Variants in CCDC144A observed in about 807,000 individuals in gnomAD.
The protein encoded by CCDC144A is coiled-coil domain-containing protein 144A.
CCDC144A carries 41 observed loss-of-function variants against 143.8 expected under a neutral mutation model. The ratio of observed to expected loss-of-function variants is 0.29; its 90% CI spans 0.22 to 0.37. CCDC144A has a LOEUF of 0.37. Among genes scored for constraint, CCDC144A ranks in the 10% least tolerant of loss-of-function variants. The pLI is 1.00. For synonymous variants in CCDC144A, 242 were observed against 517.9 expected (o/e 0.47, Z 7.23); for missense variants, 637 against 1,488.8 (o/e 0.43, Z 9.41).
At chr17:16,700,851 G>A (rs1316107206) in intron 2 of CCDC144A, among the ~76,000 whole-genome samples, 2 of 151,768 alleles carry the variant, frequency 1.3e-5, no homozygotes, top group East Asian at 3.9e-4. Context: ...GTAAAATTGT[G>A]GGATAAAGTA....
chr17:16,672,683 A>G, the CCDC144A span, among the ~76,000 whole-genome samples: 60 of 152,292 alleles, frequency 3.9e-4, no homozygotes, highest in South Asian at 1.2e-3. Context: ...TACAACAGAA[A>G]TTATGAGATG....
chr17:16,703,543 G>A (rs1247519070), intron 2 of CCDC144A, among the ~76,000 whole-genome samples: 41 of 152,046 alleles, frequency 2.7e-4, no homozygotes, highest in Admixed American at 2.7e-3. Context: ...GGTGGCTAAC[G>A]CCTGTAATGC....
intron 12 of CCDC144A, among the ~76,000 whole-genome samples, chr17:16,742,287 C>A (rs1423795542): frequency 6.6e-6 from 1 of 152,116 alleles, no homozygotes; most frequent in African/African-American, 2.4e-5. Context: ...AATTTTAGCT[C>A]CCACATGAGT....
chr17:16,735,098 A>C lies in CCDC144A; in HGVS notation c.2827A>C (p.Thr943Pro). 1 of 1,565,578 alleles carries C rather than the reference A, an allele frequency of 6.4e-7. No individual in the cohort carries two copies. The highest frequency in any genetic ancestry group is 8.7e-7 in the Non-Finnish European group (1 of 1,155,232). The change falls in exon 12 of 17, where the codon ACA becomes CCA. Residue 943 changes from threonine (T) to proline (P), a missense_variant. Coordinates refer to ENST00000399273, the MANE Select transcript of CCDC144A (RefSeq NM_001382000.1). ...AGACCTAAAACTTGATTTCCAGAGA[A>C]CAAGACAAGAGTGGGTTCGTTTACA... ...ARDLKLDFQR[T>P]RQEWVRLHDK...
chr17:16,752,191 A>G (rs1246858514), intron 12 of CCDC144A, among the ~76,000 whole-genome samples: 3 of 152,190 alleles, frequency 2.0e-5, no homozygotes, highest in African/African-American at 7.2e-5. Flanking sequence ...CAGTAGCGGC[A>G]TTAGATTCTC....
chr17:16,770,254 A>G (rs1915774964), intron 15 of CCDC144A, among the ~76,000 whole-genome samples: 1 of 151,928 alleles, frequency 6.6e-6, no homozygotes, highest in Non-Finnish European at 1.5e-5. Context: ...GGTTCACACC[A>G]TTCTCCTGCC....
intron 8 of CCDC144A, among the ~76,000 whole-genome samples, chr17:16,726,348 T>C (rs986223703): frequency 7.3e-6 from 1 of 137,390 alleles, no homozygotes. Flanking sequence ...GCCACTGCAC[T>C]CCAGCCTGGG....
chr17:16,673,274 C>A, the CCDC144A span, among the ~76,000 whole-genome samples: 1 of 151,864 alleles, frequency 6.6e-6, no homozygotes, highest in African/African-American at 2.4e-5. Flanking sequence ...GAATTTTATT[C>A]CTCATACTGT....
chr17:16,757,494 C>A (rs1915148817), intron 12 of CCDC144A, among the ~76,000 whole-genome samples: 1 of 152,226 alleles, frequency 6.6e-6, no homozygotes. Flanking sequence ...GCACAGAGGC[C>A]TGGGTGGGGT....
chr17:16,733,707 C>T (rs1913860653), intron 11 of CCDC144A, among the ~76,000 whole-genome samples: 1 of 151,362 alleles, frequency 6.6e-6, no homozygotes, highest in Admixed American at 6.6e-5. Flanking sequence ...ATATACACAA[C>T]ACAGAAGTAA....
intron 2 of CCDC144A, among the ~76,000 whole-genome samples, chr17:16,699,495 C>G (rs1911604292): frequency 3.4e-5 from 2 of 58,144 alleles, no homozygotes; most frequent in Non-Finnish European, 6.4e-5. Flanking sequence ...CCTGCCTCAG[C>G]CTCCTGAGTA....
the CCDC144A span, among the ~76,000 whole-genome samples, chr17:16,678,976 A>G: frequency 2.0e-5 from 3 of 150,782 alleles, no homozygotes; most frequent in Admixed American, 2.0e-4. Context: ...CTGGTCTCAA[A>G]CTCCCAACGT....
upstream of CCDC144A, among the ~76,000 whole-genome samples, chr17:16,689,063 GCTAT>G (rs1475716693): frequency 6.6e-6 from 1 of 152,090 alleles, no homozygotes; most frequent in African/African-American, 2.4e-5. Flanking sequence ...TTTTCATAAT[GCTAT>G]CTGTCTTAAT....
intron 8 of CCDC144A, among the ~76,000 whole-genome samples, chr17:16,722,928 G>T (rs1243962381): frequency 1.3e-5 from 2 of 152,074 alleles, no homozygotes; most frequent in African/African-American, 4.8e-5. Context: ...TGAGAAACTG[G>T]TTACATTTTT....
intron 8 of CCDC144A, among the ~76,000 whole-genome samples, chr17:16,722,496 T>C (rs1384248939): frequency 4.6e-5 from 7 of 152,156 alleles, no homozygotes; most frequent in East Asian, 1.9e-4. Flanking sequence ...CTTGACCTCA[T>C]TGATGTTCCT....
At chr17:16,708,433 T>G (rs575954394) in intron 4 of CCDC144A, among the ~76,000 whole-genome samples, 2 of 152,288 alleles carry the variant, frequency 1.3e-5, no homozygotes, top group African/African-American at 4.8e-5. Flanking sequence ...ACTTTCCAAG[T>G]GAGGACGCCT....
the CCDC144A span, among the ~76,000 whole-genome samples, chr17:16,676,450 G>A: frequency 6.6e-6 from 1 of 151,296 alleles, no homozygotes; most frequent in South Asian, 2.1e-4. Flanking sequence ...GGCAGAGCTT[G>A]CAGTGGGCAG....
the CCDC144A span, among the ~76,000 whole-genome samples, chr17:16,680,840 T>C: frequency 3.3e-5 from 5 of 151,982 alleles, no homozygotes; most frequent in Non-Finnish European, 5.9e-5. Flanking sequence ...GATTCAAATA[T>C]CAAAAATCAA....
chr17:16,689,202 C>T (rs929419697), upstream of CCDC144A, among the ~76,000 whole-genome samples: 3 of 151,518 alleles, frequency 2.0e-5, no homozygotes, highest in African/African-American at 7.3e-5. Flanking sequence ...TCCTTCTTTT[C>T]TTTCTTTTTT....
Sources: gnomAD v4.1 joint callset for allele counts (sites outside exome capture counted in the v4.1 genomes callset) on GRCh38, gnomAD v4.1.1 for gene constraint, MANE v1.5 for transcripts, NCBI Gene and HGNC (gene_info 2026-07-23, HGNC 2026-07-21) for gene names.